Variants in NAALADL2 observed in about 807,000 individuals in gnomAD.
NAALADL2 encodes the protein inactive N-acetylated-alpha-linked acidic dipeptidase-like protein 2.
A neutral mutation model predicts 87.2 loss-of-function variants in NAALADL2; 76 were observed. That is an observed-to-expected ratio of 0.87 (90% CI 0.72 to 1.05). The LOEUF (loss-of-function observed/expected upper bound fraction) is 1.05, where lower values mean the gene tolerates loss of function less well. NAALADL2 is among the 50% of genes least tolerant of loss of function. The pLI is 0.00. For missense variants in NAALADL2, 1,089 were observed against 945.8 expected (o/e 1.15, Z -1.99); for synonymous variants, 354 against 331.0 (o/e 1.07, Z -0.75).
intron 2 of NAALADL2, among the ~76,000 whole-genome samples, chr3:174,610,870 GTTTAT>G (rs1437109783): frequency 1.3e-5 from 2 of 152,180 alleles, no homozygotes; most frequent in African/African-American, 4.8e-5. Context: ...GCACACATAT[GTTTAT>G]TGAGGCACTG....
chr3:175,681,160 AT>A (rs1305532381), intron 11 of NAALADL2, among the ~76,000 whole-genome samples: 1 of 152,106 alleles, frequency 6.6e-6, no homozygotes, highest in Admixed American at 6.6e-5. Context: ...TCTTATCTAA[AT>A]TTATTTTTCA....
chr3:175,157,338 AT>A (rs1174294208), intron 2 of NAALADL2, among the ~76,000 whole-genome samples: 1 of 151,984 alleles, frequency 6.6e-6, no homozygotes, highest in Non-Finnish European at 1.5e-5. Context: ...TTGCTTAAGT[AT>A]TTTTTCTATT....
At chr3:174,861,023 T>G (rs1239985498) in intron 1 of NAALADL2, among the ~76,000 whole-genome samples, 1 of 152,100 alleles carries the variant, frequency 6.6e-6, no homozygotes, top group East Asian at 1.9e-4. Flanking sequence ...TGCTTTAAGT[T>G]CAAGAACAGT....
Position 175,363,029 on chromosome 3 carries a change from T to C in NAALADL2, c.1090+38704T>C, listed in dbSNP as rs183854818. ...CTTTACTTTTCTCTTCTGTTATCTT[T>C]TCTGTGTATCTTATCTTGTATTATC... On this transcript the variant is annotated intron_variant, in intron 5 of 13. Coordinates refer to ENST00000454872, the MANE Select transcript of NAALADL2 (RefSeq NM_207015.3). 2.0e-3 allele frequency among the ~76,000 whole-genome samples: 298 copies of C among 147,852 alleles called. 20 individuals are homozygous for C. The highest frequency in any genetic ancestry group is 6.3e-3 in the African/African-American group (257 of 40,826).
chr3:175,481,782 A>C (rs1253333669), intron 9 of NAALADL2, among the ~76,000 whole-genome samples: 1 of 152,000 alleles, frequency 6.6e-6, no homozygotes, highest in Non-Finnish European at 1.5e-5. Context: ...GTCTATTGGC[A>C]GATACAGCAT....
At chr3:174,753,279 T>C (rs541714426) in intron 3 of NAALADL2, among the ~76,000 whole-genome samples, 1 of 152,314 alleles carries the variant, frequency 6.6e-6, no homozygotes, top group East Asian at 1.9e-4. Context: ...TTTCACCCCA[T>C]TGGCCTGGCT....
chr3:174,740,301 T>C (rs1461996086), intron 3 of NAALADL2, among the ~76,000 whole-genome samples: 1 of 151,942 alleles, frequency 6.6e-6, no homozygotes. Flanking sequence ...TAGTTAATTT[T>C]ACCTTTCTTG....
chr3:175,426,735 C>T (rs1000520512), intron 5 of NAALADL2, among the ~76,000 whole-genome samples: 6 of 151,988 alleles, frequency 3.9e-5, no homozygotes, highest in African/African-American at 4.8e-5. Context: ...TTATTTTTGC[C>T]GCCAAACAGC....
intron 2 of NAALADL2, among the ~76,000 whole-genome samples, chr3:174,705,355 A>G (rs955725106): frequency 2.6e-5 from 4 of 152,366 alleles, no homozygotes; most frequent in East Asian, 1.9e-4. Flanking sequence ...GATGCTATTC[A>G]AGAACCTGTG....
intron 5 of NAALADL2, chr3:175,397,180 C>T (rs1176966258): frequency 1.3e-5 from 2 of 152,036 alleles, no homozygotes; most frequent in South Asian, 2.1e-4. Context: ...TTAGTTTCAA[C>T]CTCCTGTTAA....
At chr3:175,087,810 C>A (rs1321569859) in intron 1 of NAALADL2, among the ~76,000 whole-genome samples, 2 of 151,750 alleles carry the variant, frequency 1.3e-5, no homozygotes, top group South Asian at 4.2e-4. Context: ...AACCAGAGAC[C>A]CTTGTTCACA....
At chr3:175,400,019 G>A (rs1770365787) in intron 5 of NAALADL2, among the ~76,000 whole-genome samples, 1 of 152,020 alleles carries the variant, frequency 6.6e-6, no homozygotes, top group Non-Finnish European at 1.5e-5. Context: ...GAGCAAAGTT[G>A]ATTTTTATTT....
chr3:174,873,335 A>G (rs911727944), intron 1 of NAALADL2, among the ~76,000 whole-genome samples: 2 of 151,464 alleles, frequency 1.3e-5, no homozygotes. Flanking sequence ...GCTCACTGCA[A>G]CCTCCGCCTC....
At chr3:175,495,859 G>A (rs964941317) in intron 9 of NAALADL2, among the ~76,000 whole-genome samples, 1 of 151,942 alleles carries the variant, frequency 6.6e-6, no homozygotes, top group Non-Finnish European at 1.5e-5. Context: ...TTAGAAAACG[G>A]TTTTATGTTA....
chr3:175,452,443 G>C (rs1488105393), intron 6 of NAALADL2, among the ~76,000 whole-genome samples: 1 of 152,144 alleles, frequency 6.6e-6, no homozygotes, highest in Non-Finnish European at 1.5e-5. Flanking sequence ...CTAAAAACTT[G>C]TTTTTGAGCA....
chr3:174,981,917 C>T (rs1273244963), intron 1 of NAALADL2, among the ~76,000 whole-genome samples: 5 of 152,114 alleles, frequency 3.3e-5, no homozygotes, highest in South Asian at 2.1e-4. Flanking sequence ...CCGAAAAGAG[C>T]GGCTCCTCCC....
intron 2 of NAALADL2, among the ~76,000 whole-genome samples, chr3:174,712,132 C>T (rs575622040): frequency 6.6e-6 from 1 of 152,170 alleles, no homozygotes; most frequent in African/African-American, 2.4e-5. Flanking sequence ...TTCTTTCTCA[C>T]CCTTGTCCCC....
At chr3:175,214,522 G>C (rs1314335414) in intron 2 of NAALADL2, among the ~76,000 whole-genome samples, 1 of 152,104 alleles carries the variant, frequency 6.6e-6, no homozygotes, top group Non-Finnish European at 1.5e-5. Context: ...GCTTGTCTGA[G>C]CTTTAGGTGA....
rs942505674 is a variant in NAALADL2 at position 175,805,010 on chromosome 3, G to T, written c.*1807G>T. 5 of 151,908 alleles carry T rather than the reference G, an allele frequency of 3.3e-5. No homozygotes were observed. The highest frequency in any genetic ancestry group is 2.1e-4 in the South Asian group (1 of 4,814). The allele number at this position is 151,908 out of a possible 1,614,324, so 9.4% of individuals were successfully genotyped here. A position where few individuals can be genotyped will look rare whatever the true frequency, so the allele number is the denominator to read the frequency against. ...ATAGGAAAGGTCTAGAAATAAATAGGCTTGTGCATACCTAGGCATTCATGC... is the reference window on the plus strand; with the variant it reads ...ATAGGAAAGGTCTAGAAATAAATAGTCTTGTGCATACCTAGGCATTCATGC... On this transcript the variant is annotated 3_prime_UTR_variant, in exon 14 of 14. Coordinates refer to ENST00000454872, the MANE Select transcript of NAALADL2 (RefSeq NM_207015.3).
Sources: gnomAD v4.1 joint callset for allele counts (sites outside exome capture counted in the v4.1 genomes callset) on GRCh38, gnomAD v4.1.1 for gene constraint, MANE v1.5 for transcripts, NCBI Gene and HGNC (gene_info 2026-07-23, HGNC 2026-07-21) for gene names.